Variants in BANP observed in about 807,000 individuals in gnomAD.
BANP encodes BTG3 associated nuclear protein.
A neutral mutation model predicts 68.1 loss-of-function variants in BANP; 11 were observed. The observed-to-expected ratio is 0.16, with a 90% CI of 0.10 to 0.27. The LOEUF (loss-of-function observed/expected upper bound fraction) is 0.27, where lower values mean the gene tolerates loss of function less well. BANP is among the 10% of genes least tolerant of loss of function. The probability of loss-of-function intolerance (pLI) is 1.00; values close to 1 mark genes in which losing one functional copy is unlikely to be tolerated. For synonymous variants in BANP, 329 were observed against 303.2 expected (o/e 1.09, Z -0.88); for missense variants, 504 against 722.7 (o/e 0.70, Z 3.47).
At chr16:88,068,317 G>A (rs2089347673) in intron 12 of BANP, among the ~76,000 whole-genome samples, 1 of 152,234 alleles carries the variant, frequency 6.6e-6, no homozygotes, top group African/African-American at 2.4e-5. Context: ...CAGGGTCCCT[G>A]TGCTGTCGTG....
In BANP at chr16:88,018,992, G is replaced by T. The variant is rs1598480735; in HGVS notation, c.895+325G>T. ...AGGAAGAGAGAGGAGGAGGAGAGCC[G>T]GGGCCTTCCCTGCTGTCCTGGCCAC... is the stretch of plus-strand genomic sequence containing the variant. On this transcript the variant is annotated intron_variant, in intron 7 of 13. Coordinates refer to ENST00000682872, the MANE Select transcript of BANP (RefSeq NM_001386991.1). This position sits in a 1 kb window ranked among gnomAD's most constrained non-coding sequence, Gnocchi z 7.7. Among the ~76,000 whole-genome samples the T allele has an allele frequency of 1.3e-5, 2 of 151,404 alleles. No individual in the cohort carries two copies. Among genetic ancestry groups the T allele is most frequent in the South Asian group, 2.1e-4 (1 of 4,770 alleles).
chr16:87,950,252 A>G (rs1037726840), upstream of BANP, among the ~76,000 whole-genome samples: 1 of 152,098 alleles, frequency 6.6e-6, no homozygotes, highest in Non-Finnish European at 1.5e-5. Context: ...TGCTCATTGC[A>G]AATAATTGAG....
At chr16:87,995,900 C>T (rs1472547589) in intron 4 of BANP, among the ~76,000 whole-genome samples, 2 of 152,224 alleles carry the variant, frequency 1.3e-5, no homozygotes, top group Non-Finnish European at 2.9e-5. Context: ...GGCTGGGGTT[C>T]CTGCGGTGCC....
chr16:88,072,191 T>G lies in BANP; in HGVS notation c.1500T>G (p.Ser500Arg). Residue 500 changes from serine to arginine, a missense_variant, in exon 13 of 14, where the codon AGT (serine) becomes AGG (arginine). Ser to Arg is a moderately radical substitution (Grantham distance 110). Coordinates refer to ENST00000682872, the MANE Select transcript of BANP (RefSeq NM_001386991.1). Reference protein sequence around the residue: ...QVQYVQLAPVSDHTAGAQTAE... With the variant: ...QVQYVQLAPVRDHTAGAQTAE... ...AGTACGTGCAGCTGGCGCCAGTGAG[T>G]GACCACACGGCCGGGGCACAGGTGA... 1 of 1,610,684 alleles carries G rather than the reference T, an allele frequency of 6.2e-7. No homozygotes were observed. Among genetic ancestry groups the G allele is most frequent in the Non-Finnish European group, 8.5e-7 (1 of 1,179,554 alleles).
intron 1 of BANP, 33 bp downstream of exon 1, chr16:87,951,548 C>G (rs980229969): frequency 6.5e-6 from 1 of 152,740 alleles, no homozygotes; most frequent in Non-Finnish European, 1.5e-5. Flanking sequence ...GTCGCGCCTC[C>G]GCCTCCCCCT....
intron 4 of BANP, among the ~76,000 whole-genome samples, chr16:87,997,600 C>G (rs1332501451): frequency 2.0e-5 from 3 of 150,654 alleles, no homozygotes; most frequent in African/African-American, 7.4e-5. Context: ...GGTAAAATAG[C>G]CAGGATGGCT....
At position 87,953,336 on chromosome 16, in the gene BANP, T is replaced by C. The variant is rs146417709; in HGVS notation, c.-69+1821T>C. Reference sequence around the variant, plus strand: ...TCAAAGAGGTTTACATCTTGAGTGGTTTCTTTAGGTCATTCTCCACAGCTC... The same window carrying C: ...TCAAAGAGGTTTACATCTTGAGTGGCTTCTTTAGGTCATTCTCCACAGCTC... On this transcript the variant is annotated intron_variant, in intron 1 of 13. Transcript: ENST00000682872. Among the ~76,000 whole-genome samples the C allele has an allele frequency of 1.4e-4, 21 of 152,260 alleles. No homozygotes were observed. The East Asian group carries it at 4.0e-3, about 29-fold the overall frequency.
At chr16:88,048,986 A>G (rs938965335) in intron 11 of BANP, among the ~76,000 whole-genome samples, 2 of 152,168 alleles carry the variant, frequency 1.3e-5, no homozygotes, top group Admixed American at 1.3e-4. Context: ...TCTGCAGACC[A>G]CATGTTTCCT....
intron 8 of BANP, among the ~76,000 whole-genome samples, chr16:88,028,461 G>C (rs368525752): frequency 6.6e-6 from 1 of 152,182 alleles, no homozygotes; most frequent in Non-Finnish European, 1.5e-5. Flanking sequence ...TGGTTTTCTC[G>C]GGCTGTTTTG....
At chr16:87,953,590 C>A (rs946720641) in intron 1 of BANP, among the ~76,000 whole-genome samples, 1 of 152,164 alleles carries the variant, frequency 6.6e-6, no homozygotes, top group Admixed American at 6.5e-5. Context: ...TCTTCTATCC[C>A]CTGGACTGTC....
At chr16:87,952,477 T>C (rs2057142923) in intron 1 of BANP, 2 of 152,220 alleles carry the variant, frequency 1.3e-5, no homozygotes, top group Non-Finnish European at 2.9e-5. Context: ...CTGATGGCGA[T>C]GCTGGAACTC....
At chr16:88,034,384 A>G (rs1263670563) in intron 9 of BANP, among the ~76,000 whole-genome samples, 1 of 152,248 alleles carries the variant, frequency 6.6e-6, no homozygotes, top group African/African-American at 2.4e-5. Flanking sequence ...CTAAGAGAGA[A>G]TTTCAAATAA....
At chr16:87,951,281 C>T (rs539356373), upstream of BANP, among the ~76,000 whole-genome samples, 7 of 152,272 alleles carry the variant, frequency 4.6e-5, no homozygotes, top group Admixed American at 2.0e-4. Context: ...AAGAAGGCCG[C>T]CTGCGCATGC....
chr16:88,016,541 C>G (rs1405573294), intron 6 of BANP, among the ~76,000 whole-genome samples: 5 of 152,250 alleles, frequency 3.3e-5, no homozygotes, highest in African/African-American at 1.2e-4. Flanking sequence ...ACCCGTGACT[C>G]TGAGCAAGAG....
At chr16:88,050,051 C>T (rs759559542) in intron 11 of BANP, among the ~76,000 whole-genome samples, 3 of 152,216 alleles carry the variant, frequency 2.0e-5, no homozygotes, top group African/African-American at 4.8e-5. Flanking sequence ...TTCTCAGTCA[C>T]GTTCACAGGG....
intron 6 of BANP, among the ~76,000 whole-genome samples, chr16:88,013,672 T>C (rs2073802737): frequency 6.6e-6 from 1 of 152,222 alleles, no homozygotes; most frequent in Non-Finnish European, 1.5e-5. Context: ...GTATCCTTTA[T>C]GGTCTCTACA....
At chr16:87,966,218 C>G (rs1393133403) in intron 1 of BANP, among the ~76,000 whole-genome samples, 4 of 152,148 alleles carry the variant, frequency 2.6e-5, no homozygotes, top group Non-Finnish European at 5.9e-5. Context: ...TTCACCACTC[C>G]TGTTCTGCTG....
In BANP at chr16:87,974,973, C is replaced by T. The variant is rs542249963; in HGVS notation, c.-68-75C>T. On this transcript the variant is annotated intron_variant, in intron 1 of 13. Transcript: ENST00000682872. ...TCGCGGCCTCTTGCATACACGTGCT[C>T]GGCTCGTGGTTTTCATAATTTCACG... is the stretch of plus-strand genomic sequence containing the variant. 2.0e-5 allele frequency: 14 copies of T among 695,396 alleles called. No homozygotes were observed. The East Asian group carries it at 2.7e-4, about 13-fold the overall frequency. The allele number at this position is 695,396 out of a possible 1,614,324, so 43.1% of individuals were successfully genotyped here. A position where few individuals can be genotyped will look rare whatever the true frequency, so the allele number is the denominator to read the frequency against.
At chr16:88,063,713 G>A (rs188520566) in intron 11 of BANP, among the ~76,000 whole-genome samples, 56 of 152,284 alleles carry the variant, frequency 3.7e-4, no homozygotes, top group South Asian at 8.3e-4. Context: ...TGGAAGGCAC[G>A]TCATGGCATC....
Sources: gnomAD v4.1 joint callset for allele counts (sites outside exome capture counted in the v4.1 genomes callset) on GRCh38, gnomAD v4.1.1 for gene constraint, Gnocchi (gnomAD v3.1) non-coding constraint, MANE v1.5 for transcripts, NCBI Gene and HGNC (gene_info 2026-07-23, HGNC 2026-07-21) for gene names.